Variants in COL4A6 observed in about 807,000 individuals in gnomAD.
COL4A6 encodes collagen alpha-6(IV) chain.
In COL4A6, 59 loss-of-function variants were observed where a neutral mutation model predicts 126.7. The ratio of observed to expected loss-of-function variants is 0.47; its 90% CI spans 0.38 to 0.58. The LOEUF is 0.58. Among genes scored for constraint, COL4A6 ranks in the 20% least tolerant of loss-of-function variants. The probability of loss-of-function intolerance (pLI) is 0.00; values close to 1 mark genes in which losing one functional copy is unlikely to be tolerated. For missense variants in COL4A6, 1,285 were observed against 1,337.3 expected (o/e 0.96, Z 0.61); for synonymous variants, 547 against 496.6 (o/e 1.10, Z -1.35).
chrX:108,426,306 G>A (rs2064084034), intron 2 of COL4A6, among the ~76,000 whole-genome samples: 1 of 112,074 alleles, frequency 8.9e-6, no homozygotes, highest in African/African-American at 3.2e-5. Context: ...CAGAGCCAGA[G>A]GTGCCAGACA....
intron 2 of COL4A6, among the ~76,000 whole-genome samples, chrX:108,377,677 TC>T (rs1321029515): frequency 4.6e-5 from 5 of 107,971 alleles, no homozygotes; most frequent in Non-Finnish European, 7.6e-5. Flanking sequence ...ACGCCTGTAA[TC>T]CCAGCATTTG....
intron 3 of COL4A6, among the ~76,000 whole-genome samples, chrX:108,250,766 TACAGCA>T (rs1286570527): frequency 8.9e-6 from 1 of 111,927 alleles, no homozygotes; most frequent in Non-Finnish European, 1.9e-5. Context: ...TGGTCCTTTG[TACAGCA>T]ACCTCTGAGG....
At position 108,233,609 on chromosome X, in the gene COL4A6, C is replaced by A. The variant is rs557688212; in HGVS notation, c.145-12235G>T. On this transcript the variant is annotated intron_variant, in intron 3 of 44. Coordinates refer to ENST00000334504, the MANE Select transcript of COL4A6 (RefSeq NM_033641.4). ...GTGTTGTTCCCATGCAAACTCACATCCCTGTATTCATTTAGAACCAGAGGA... is the reference window on the plus strand; with the variant it reads ...GTGTTGTTCCCATGCAAACTCACATACCTGTATTCATTTAGAACCAGAGGA... 1.9e-4 allele frequency among the ~76,000 whole-genome samples: 21 copies of A among 111,970 alleles called. No homozygotes were observed. The East Asian group carries it at 5.7e-3, about 30-fold the overall frequency.
intron 2 of COL4A6, among the ~76,000 whole-genome samples, chrX:108,405,778 C>T (rs2041194065): frequency 1.8e-5 from 2 of 111,173 alleles, no homozygotes; most frequent in Non-Finnish European, 3.8e-5. Flanking sequence ...CTTGCATGGA[C>T]CAAGGGAGAG....
At chrX:108,243,205 A>T (rs1045468507) in intron 3 of COL4A6, among the ~76,000 whole-genome samples, 7 of 111,452 alleles carry the variant, frequency 6.3e-5, no homozygotes, top group Non-Finnish European at 1.1e-4. Context: ...CACCTAGGAG[A>T]TTTGGGTCCC....
At chrX:108,349,149 T>G (rs1018793355) in intron 2 of COL4A6, among the ~76,000 whole-genome samples, 16 of 111,970 alleles carry the variant, frequency 1.4e-4, no homozygotes, top group Admixed American at 1.3e-3. Context: ...AGAGTCATTG[T>G]TTGTTTGTCT....
chrX:108,236,285 T>C (rs2036428008), intron 3 of COL4A6, among the ~76,000 whole-genome samples: 1 of 111,344 alleles, frequency 9.0e-6, no homozygotes, highest in Non-Finnish European at 1.9e-5. Context: ...GCAGGTATCT[T>C]TGTTAGTCCA....
At chrX:108,333,048 G>A (rs755895392) in intron 2 of COL4A6, among the ~76,000 whole-genome samples, 1 of 110,750 alleles carries the variant, frequency 9.0e-6, no homozygotes, top group East Asian at 2.8e-4. Flanking sequence ...TCTGCATATG[G>A]CTGTCCAATT....
At chrX:108,173,687 C>T (rs927439163) in intron 31 of COL4A6, among the ~76,000 whole-genome samples, 1 of 112,178 alleles carries the variant, frequency 8.9e-6, no homozygotes, top group African/African-American at 3.2e-5. Context: ...GTCACTTAAC[C>T]CTCCCTACTG....
rs745866300 is a variant in COL4A6 at position 108,169,477 on chromosome X, G to A, written c.3691+18C>T. ...GCAAGGCCTCACTCAGCCTCTACAAGGCCTGACTTGGACTCACCTCGATCA... is the reference window on the plus strand; with the variant it reads ...GCAAGGCCTCACTCAGCCTCTACAAAGCCTGACTTGGACTCACCTCGATCA... On this transcript the variant is annotated intron_variant, in intron 37 of 44. Coordinates refer to ENST00000334504, the MANE Select transcript of COL4A6 (RefSeq NM_033641.4). 1.2e-5 allele frequency: 15 copies of A among 1,210,427 alleles called. No individual in the cohort carries two copies. The South Asian group carries it at 2.1e-4, about 17-fold the overall frequency.
chrX:108,403,237 T>G (rs1405595362), intron 2 of COL4A6, among the ~76,000 whole-genome samples: 3 of 9,060 alleles, frequency 3.3e-4, no homozygotes, highest in South Asian at 2.6e-3. Context: ...AGATTAGCTC[T>G]CTCTCTCTCT....
rs750499749 is a variant in COL4A6, at chrX:108,179,811, T to A, written c.2132-373A>T. Among the ~76,000 whole-genome samples the A allele has an allele frequency of 3.7e-5, 4 of 107,262 alleles. No homozygotes were observed. The East Asian group carries it at 1.2e-3, about 32-fold the overall frequency. The allele number at this position is 107,262 out of a possible 115,157, so 93.1% of individuals were successfully genotyped here. ...TTCTTCTTGGGTGGGGAGAGGGTAC[T>A]GGAGGGGACCCTGGAGCACATGGTC... On this transcript the variant is annotated intron_variant, in intron 25 of 44. Coordinates refer to ENST00000334504, the MANE Select transcript of COL4A6 (RefSeq NM_033641.4).
At chrX:108,388,600 C>T (rs961530592) in intron 2 of COL4A6, among the ~76,000 whole-genome samples, 1 of 110,897 alleles carries the variant, frequency 9.0e-6, no homozygotes, top group African/African-American at 3.3e-5. Context: ...TTTGATTCTT[C>T]TCTCTTCTCT....
At chrX:108,285,842 A>G (rs932144302) in intron 3 of COL4A6, among the ~76,000 whole-genome samples, 4 of 112,028 alleles carry the variant, frequency 3.6e-5, no homozygotes, top group Non-Finnish European at 7.5e-5. Flanking sequence ...AGGTGATTCA[A>G]GATTGAGGAA....
At chrX:108,181,754 A>G (rs1421498893) in intron 23 of COL4A6, among the ~76,000 whole-genome samples, 1 of 112,026 alleles carries the variant, frequency 8.9e-6, no homozygotes, top group East Asian at 2.8e-4. Context: ...AAGAATCTAT[A>G]AGATCACAGA....
At chrX:108,370,173 C>G (rs947534398) in intron 2 of COL4A6, among the ~76,000 whole-genome samples, 1 of 112,400 alleles carries the variant, frequency 8.9e-6, no homozygotes, top group Admixed American at 9.4e-5. Context: ...TTTATTGAAG[C>G]TAAGAGACAT....
At chrX:108,330,180 T>C (rs2039263455) in intron 2 of COL4A6, among the ~76,000 whole-genome samples, 1 of 111,059 alleles carries the variant, frequency 9.0e-6, no homozygotes, top group African/African-American at 3.3e-5. Context: ...CTTAAAGATC[T>C]GTGCAGAGAA....
intron 36 of COL4A6, 97 bp downstream of exon 36, chrX:108,169,848 G>A: frequency 1.1e-6 from 1 of 895,195 alleles, no homozygotes; most frequent in South Asian, 2.2e-5. Flanking sequence ...TGAGTCCAAG[G>A]ATATGGGATA....
intron 23 of COL4A6, among the ~76,000 whole-genome samples, chrX:108,186,557 G>A (rs180887800): frequency 1.8e-5 from 2 of 111,933 alleles, no homozygotes; most frequent in East Asian, 5.6e-4. Context: ...AAGCAGGACT[G>A]TTACACATAA....
Sources: gnomAD v4.1 joint callset for allele counts (sites outside exome capture counted in the v4.1 genomes callset) on GRCh38, gnomAD v4.1.1 for gene constraint, MANE v1.5 for transcripts, NCBI Gene and HGNC (gene_info 2026-07-23, HGNC 2026-07-21) for gene names.